SIAE: variants seen among roughly 807,000 people sequenced by gnomAD.
SIAE encodes the protein sialate O-acetylesterase.
Under a neutral mutation model 52.6 loss-of-function variants are expected in SIAE, and 39 were observed. The ratio of observed to expected loss-of-function variants is 0.74; its 90% CI spans 0.57 to 0.97. The LOEUF (loss-of-function observed/expected upper bound fraction) is 0.97, where lower values mean the gene tolerates loss of function less well. Among genes scored for constraint, SIAE ranks in the 50% least tolerant of loss-of-function variants. The pLI, the probability that SIAE is intolerant of heterozygous loss-of-function variation, is 0.00. For synonymous variants in SIAE, 233 were observed against 241.4 expected, an observed-to-expected ratio of 0.97 and a Z score of 0.32; for missense variants, 592 against 662.1, an observed-to-expected ratio of 0.89 and a Z score of 1.16.
Position 124,636,729 on chromosome 11 carries a change from A to C in SIAE, c.*222T>G. On this transcript the variant is annotated 3_prime_UTR_variant, in exon 10 of 10. Coordinates refer to ENST00000263593, the MANE Select transcript of SIAE (RefSeq NM_170601.5). The stretch of plus-strand genomic sequence containing the variant: ...TTTGTCTGTAGTTCAGAATTAGTCC[A>C]ATACAGACCCTTAGACCAACTAGGG... 1 of 613,170 alleles carries C rather than the reference A, an allele frequency of 1.6e-6. No individual in the cohort carries two copies. Among genetic ancestry groups the C allele is most frequent in the Non-Finnish European group, 2.8e-6 (1 of 353,802 alleles). 38.0% of individuals were successfully genotyped at this position (613,170 alleles called of 1,614,324 possible). A position where few individuals can be genotyped will look rare whatever the true frequency, so the allele number is the denominator to read the frequency against.
At position 124,635,422 on chromosome 11, in the gene SIAE, A is replaced by G. The variant is rs1268050763; in HGVS notation, c.*1529T>C. On this transcript the variant is annotated 3_prime_UTR_variant, in exon 10 of 10. Coordinates refer to ENST00000263593, the MANE Select transcript of SIAE (RefSeq NM_170601.5). The stretch of plus-strand genomic sequence containing the variant: ...TATTCCTGCTGTTTGGAGCTACACC[A>G]GAACCCCTTGGAACTCTACAGAGGG... 6.6e-6 allele frequency: 1 copy of G among 152,210 alleles called. No homozygotes were observed. Among genetic ancestry groups the G allele is most frequent in the African/African-American group, 2.4e-5 (1 of 41,450 alleles). 9.4% of individuals were successfully genotyped at this position (152,210 alleles called of 1,614,324 possible).
chr11:124,664,343 T>C (rs1359585574), intron 2 of SIAE, among the ~76,000 whole-genome samples: 1 of 152,076 alleles, frequency 6.6e-6, no homozygotes, highest in Non-Finnish European at 1.5e-5. Flanking sequence ...GCAATTCTCC[T>C]GCCTCAGCCT....
chr11:124,660,336 G>A, intron 3 of SIAE: 6 of 354,780 alleles, frequency 1.7e-5, no homozygotes, highest in Admixed American at 8.5e-5. Context: ...ATCAACTTGA[G>A]AAGAAACTCA....
chr11:124,664,572 A>G (rs978210198), intron 2 of SIAE, among the ~76,000 whole-genome samples: 1 of 151,938 alleles, frequency 6.6e-6, no homozygotes, highest in Non-Finnish European at 1.5e-5. Flanking sequence ...TTCTTCTCAC[A>G]TTCCAGCCAA....
chr11:124,663,428 A>G (rs910018577), intron 2 of SIAE, among the ~76,000 whole-genome samples: 1 of 151,878 alleles, frequency 6.6e-6, no homozygotes, highest in Non-Finnish European at 1.5e-5. Context: ...TACAAAAATG[A>G]GCTGGGCATG....
intron 7 of SIAE, among the ~76,000 whole-genome samples, chr11:124,641,688 G>A (rs1302376447): frequency 6.6e-6 from 1 of 152,168 alleles, no homozygotes; most frequent in Non-Finnish European, 1.5e-5. Flanking sequence ...GCCGGGCATG[G>A]TGGCTCACGC....
upstream of SIAE, chr11:124,675,110 G>A (rs1013049330): frequency 4.5e-6 from 4 of 880,238 alleles, no homozygotes; most frequent in African/African-American, 5.1e-5. Context: ...GATGGGCTTG[G>A]GTTGTGTTAG....
At chr11:124,662,503 CTAT>C (rs1943201009) in intron 2 of SIAE, among the ~76,000 whole-genome samples, 1 of 152,198 alleles carries the variant, frequency 6.6e-6, no homozygotes, top group Admixed American at 6.5e-5. Context: ...CTATTCACTG[CTAT>C]TAACTGGGTA....
At chr11:124,675,558 A>G, upstream of SIAE, 1 of 832,294 alleles carries the variant, frequency 1.2e-6, no homozygotes, top group South Asian at 1.8e-5. Context: ...TTGCTCTTTG[A>G]AACAGTATGT....
At chr11:124,641,647 T>C (rs1942847811) in intron 7 of SIAE, among the ~76,000 whole-genome samples, 1 of 152,136 alleles carries the variant, frequency 6.6e-6, no homozygotes, top group East Asian at 1.9e-4. Context: ...CTAGTGATCA[T>C]ACAAATGGCT....
At chr11:124,637,323 T>C in intron 9 of SIAE, 121 bp from the exon 10 acceptor site, 1 of 1,405,850 alleles carries the variant, frequency 7.1e-7, no homozygotes, top group South Asian at 1.2e-5. Context: ...AAGGACCTAC[T>C]CCTACAGTAA....
upstream of SIAE, chr11:124,673,773 G>C: frequency 6.3e-7 from 1 of 1,575,252 alleles, no homozygotes; most frequent in Admixed American, 1.8e-5. Flanking sequence ...GCGGGGCCTG[G>C]GCGGGGGCGA....
intron 9 of SIAE, 79 bp downstream of exon 9, chr11:124,638,461 CAA>C: frequency 5.4e-6 from 8 of 1,480,654 alleles, no homozygotes; most frequent in Non-Finnish European, 7.5e-6. Context: ...ATCGTAATAA[CAA>C]AAGAGATGGC....
intron 7 of SIAE, among the ~76,000 whole-genome samples, chr11:124,644,368 A>AC (rs1489065535): frequency 6.7e-6 from 1 of 149,050 alleles, no homozygotes; most frequent in Non-Finnish European, 1.5e-5. Flanking sequence ...AAAAAAAAAA[A>AC]AAAAAACTAG....
At chr11:124,638,266 T>C (rs1330018027) in intron 9 of SIAE, among the ~76,000 whole-genome samples, 2 of 152,260 alleles carry the variant, frequency 1.3e-5, no homozygotes, top group African/African-American at 4.8e-5. Context: ...CTAGCAAAGA[T>C]GGTTGCTTCG....
intron 9 of SIAE, 144 bp from the exon 10 acceptor site, chr11:124,637,346 T>C: frequency 9.0e-7 from 1 of 1,113,450 alleles, no homozygotes; most frequent in Non-Finnish European, 1.3e-6. Context: ...AGAACAAACC[T>C]GAGCCCACTT....
chr11:124,640,573 G>T (rs920526471), intron 7 of SIAE, among the ~76,000 whole-genome samples: 1 of 152,168 alleles, frequency 6.6e-6, no homozygotes, highest in Admixed American at 6.5e-5. Flanking sequence ...ACAACACAGG[G>T]CTAGGCACTG....
chr11:124,660,997 C>T (rs1313035474), intron 2 of SIAE, among the ~76,000 whole-genome samples, 194 bp from the exon 3 acceptor site: 2 of 152,096 alleles, frequency 1.3e-5, no homozygotes, highest in Non-Finnish European at 2.9e-5. Flanking sequence ...TGTACCAATC[C>T]CTCCTTACTT....
chr11:124,656,070 T>C (rs1344110464), intron 3 of SIAE, among the ~76,000 whole-genome samples: 1 of 152,182 alleles, frequency 6.6e-6, no homozygotes, highest in African/African-American at 2.4e-5. Flanking sequence ...GAAACATAAA[T>C]GAATTTCAGG....
Sources: allele counts gnomAD v4.1 joint callset (sites outside exome capture counted in the v4.1 genomes callset), GRCh38; gene constraint gnomAD v4.1.1; transcripts MANE v1.5; gene names NCBI Gene and HGNC (gene_info 2026-07-23, HGNC 2026-07-21).